The following SEMA3D variants were observed in gnomAD, a reference collection of about 807,000 sequenced individuals.
SEMA3D encodes semaphorin 3D.
A neutral mutation model predicts 100.1 loss-of-function variants in SEMA3D; 84 were observed. That is an observed-to-expected ratio of 0.84 (90% CI 0.70 to 1.01). SEMA3D has a LOEUF of 1.01. SEMA3D is among the 50% of genes least tolerant of loss of function. SEMA3D has a pLI of 0.00. For synonymous variants in SEMA3D, 312 were observed against 320.7 expected, an observed-to-expected ratio of 0.97 and a Z score of 0.29; for missense variants, 875 against 934.1, an observed-to-expected ratio of 0.94 and a Z score of 0.82.
At chr7:85,170,108 C>T (rs1316763532) in intron 1 of SEMA3D, among the ~76,000 whole-genome samples, 1 of 151,664 alleles carries the variant, frequency 6.6e-6, no homozygotes, top group Admixed American at 6.6e-5. Context: ...TCAGGATGAA[C>T]AGCATGAGCA....
At chr7:85,209,515 T>C in the SEMA3D span, among the ~76,000 whole-genome samples, 1 of 151,954 alleles carries the variant, frequency 6.6e-6, no homozygotes, top group Non-Finnish European at 1.5e-5. Context: ...TCACCACTGA[T>C]TAGATGCTCT....
intron 11 of SEMA3D, among the ~76,000 whole-genome samples, chr7:85,039,731 C>G (rs1204138147): frequency 6.6e-6 from 1 of 152,102 alleles, no homozygotes. Flanking sequence ...TGAAAACATT[C>G]TTTGCCTAAA....
chr7:85,094,684 G>A (rs1342511115), intron 4 of SEMA3D, among the ~76,000 whole-genome samples: 3 of 151,840 alleles, frequency 2.0e-5, no homozygotes, highest in African/African-American at 4.8e-5. Context: ...GATCACTTCT[G>A]GTTCTGATTG....
At chr7:85,055,674 ATATATATAT>A in intron 9 of SEMA3D, 34 bp downstream of exon 9, 1 of 181,040 alleles carries the variant, frequency 5.5e-6, no homozygotes, top group Non-Finnish European at 9.9e-6. Flanking sequence ...ATATATATAT[ATATATATAT>A]ATGTTTTAAG....
chr7:85,098,535 G>A (rs865827481), intron 3 of SEMA3D, among the ~76,000 whole-genome samples: 1 of 151,116 alleles, frequency 6.6e-6, no homozygotes, highest in African/African-American at 2.4e-5. Context: ...TTTTTGGAGC[G>A]GTTTTAGGCT....
chr7:85,236,814 A>G, the SEMA3D span, among the ~76,000 whole-genome samples: 3 of 152,186 alleles, frequency 2.0e-5, no homozygotes, highest in African/African-American at 7.2e-5. Flanking sequence ...CAGATAATGT[A>G]TCAATTTTGA....
chr7:85,167,891 C>T (rs1334935243), intron 1 of SEMA3D, among the ~76,000 whole-genome samples: 1 of 151,806 alleles, frequency 6.6e-6, no homozygotes, highest in Non-Finnish European at 1.5e-5. Context: ...TGTGTAAAAA[C>T]ATTATCTTTC....
chr7:85,081,509 A>C lies in SEMA3D; in HGVS notation c.375+8T>G. ...TTACAAAGATAATTGTTACAGTTTC[A>C]TACTTACATTGGCATCTTTCCCAGC... is the stretch of plus-strand genomic sequence containing the variant. On this transcript the variant is annotated splice_region_variant and intron_variant, in intron 5 of 18. Coordinates refer to ENST00000284136, the MANE Select transcript of SEMA3D (RefSeq NM_001384900.1). The C allele has an allele frequency of 1.3e-6, 2 of 1,584,212 alleles. No individual in the cohort carries two copies. Among genetic ancestry groups the C allele is most frequent in the African/African-American group, 2.7e-5 (2 of 74,476 alleles).
intron 15 of SEMA3D, 44 bp downstream of exon 15, chr7:85,018,208 C>CCATT (rs1191533619): frequency 3.5e-6 from 4 of 1,152,462 alleles, no homozygotes; most frequent in Non-Finnish European, 5.2e-6. Flanking sequence ...TTCAAGCAGC[C>CCATT]CATTGCTTTT....
At chr7:85,041,213 A>G (rs1790853447) in intron 10 of SEMA3D, 1 of 152,312 alleles carries the variant, frequency 6.6e-6, no homozygotes, top group Non-Finnish European at 1.5e-5. Flanking sequence ...GCCCACCACC[A>G]GCCCGGCTAA....
At chr7:85,020,175 TA>T (rs1790214951) in intron 14 of SEMA3D, 57 bp downstream of exon 14, 1 of 1,135,860 alleles carries the variant, frequency 8.8e-7, no homozygotes, top group African/African-American at 1.5e-5. Flanking sequence ...GGGTGCCCTA[TA>T]ACAAGCGCTA....
chr7:85,049,886 G>C (rs1220013752), intron 9 of SEMA3D, among the ~76,000 whole-genome samples: 1 of 151,790 alleles, frequency 6.6e-6, no homozygotes, highest in East Asian at 1.9e-4. Context: ...AAACAAAAAA[G>C]AGAACTGGCA....
At chr7:85,223,760 TGGGAGGGGTGAG>T in the SEMA3D span, among the ~76,000 whole-genome samples, 1 of 151,930 alleles carries the variant, frequency 6.6e-6, no homozygotes, top group Non-Finnish European at 1.5e-5. Context: ...TTGGGGACTC[TGGGAGGGGTGAG>T]GGGGGTGCAG....
chr7:85,122,589 C>T (rs1389412117), intron 2 of SEMA3D, among the ~76,000 whole-genome samples: 1 of 152,092 alleles, frequency 6.6e-6, no homozygotes, highest in Non-Finnish European at 1.5e-5. Context: ...CCATATCATC[C>T]CCAAATGAAA....
Position 85,144,339 on chromosome 7 carries a change from A to G in SEMA3D, c.-41+9269T>C, listed in dbSNP as rs536314978. On this transcript the variant is annotated intron_variant, in intron 2 of 18. Transcript: ENST00000284136. ...TAAAAGTTTTCTGATAACTGAATCGAGTATCATTTATTAAATTTAAATTAA... is the reference window on the plus strand; with the variant it reads ...TAAAAGTTTTCTGATAACTGAATCGGGTATCATTTATTAAATTTAAATTAA... 8.8e-5 allele frequency: 30 copies of G among 339,438 alleles called. 1 individual carries two copies. Among genetic ancestry groups the G allele is most frequent in the Middle Eastern group, 1.5e-3 (1 of 660 alleles). 21.0% of individuals were successfully genotyped at this position (339,438 alleles called of 1,614,324 possible). A position where few individuals can be genotyped will look rare whatever the true frequency, so the allele number is the denominator to read the frequency against.
At chr7:85,044,375 C>T (rs756421511) in intron 9 of SEMA3D, among the ~76,000 whole-genome samples, 1 of 152,022 alleles carries the variant, frequency 6.6e-6, no homozygotes, top group Non-Finnish European at 1.5e-5. Context: ...TTATTTTTTA[C>T]ATTCCTTTCT....
At chr7:85,234,013 T>C in the SEMA3D span, among the ~76,000 whole-genome samples, 2 of 152,224 alleles carry the variant, frequency 1.3e-5, no homozygotes, top group African/African-American at 4.8e-5. Context: ...CAATGTTTAG[T>C]TTCCTTAGTT....
chr7:85,065,321 A>T lies in SEMA3D; in HGVS notation c.718+103T>A, dbSNP rs1287111909. 4 of 1,054,800 alleles carry T rather than the reference A, an allele frequency of 3.8e-6. No individual in the cohort carries two copies. The African/African-American group carries it at 4.8e-5, about 13-fold the overall frequency. The allele number at this position is 1,054,800 out of a possible 1,614,324, so 65.3% of individuals were successfully genotyped here. The stretch of plus-strand genomic sequence containing the variant: ...CAAATGTATTTTATAATGTTGAGCT[A>T]AATTAATTATTCCAAAACACATTTG... On this transcript the variant is annotated intron_variant, in intron 8 of 18. Transcript: ENST00000284136.
intron 3 of SEMA3D, among the ~76,000 whole-genome samples, chr7:85,101,315 G>A (rs980255934): frequency 3.3e-5 from 5 of 151,926 alleles, no homozygotes; most frequent in Non-Finnish European, 5.9e-5. Context: ...TTATACAATC[G>A]AAATCCTTAT....
Sources: allele counts gnomAD v4.1 joint callset (sites outside exome capture counted in the v4.1 genomes callset), GRCh38; gene constraint gnomAD v4.1.1; transcripts MANE v1.5; gene names NCBI Gene and HGNC (gene_info 2026-07-23, HGNC 2026-07-21).